Variants in FARS2 observed in about 807,000 individuals in gnomAD.
The protein encoded by FARS2 is phenylalanyl-tRNA synthetase 2, mitochondrial, also known as phenylalanine--tRNA ligase, mitochondrial.
FARS2 carries 40 observed loss-of-function variants against 46.4 expected under a neutral mutation model. The ratio of observed to expected loss-of-function variants is 0.86; its 90% confidence interval spans 0.67 to 1.12. The LOEUF (loss-of-function observed/expected upper bound fraction) is 1.12. FARS2 is among the 50% of genes most tolerant of loss of function. The pLI, the probability that FARS2 is intolerant of heterozygous loss-of-function variation, is 0.00. For synonymous variants in FARS2, 234 were observed against 214.9 expected (o/e 1.09, Z -0.78); for missense variants, 513 against 567.9 (o/e 0.90, Z 0.98).
At chr6:5,568,869 G>A (rs2150554567) in intron 5 of FARS2, among the ~76,000 whole-genome samples, 1 of 152,336 alleles carries the variant, frequency 6.6e-6, no homozygotes. Flanking sequence ...GTGATATCAT[G>A]TAGGGTAGTA....
At chr6:5,434,997 T>G (rs926442194) in intron 4 of FARS2, among the ~76,000 whole-genome samples, 1 of 152,202 alleles carries the variant, frequency 6.6e-6, no homozygotes, top group East Asian at 1.9e-4. Context: ...CTGTATATGC[T>G]TTCTTTCATT....
chr6:5,389,365 T>A (rs1760342748), intron 2 of FARS2, among the ~76,000 whole-genome samples: 1 of 152,200 alleles, frequency 6.6e-6, no homozygotes, highest in Admixed American at 6.5e-5. Context: ...CTCCTCTTTA[T>A]TAAGATGCTG....
intron 6 of FARS2, among the ~76,000 whole-genome samples, chr6:5,670,427 T>C (rs1778393986): frequency 6.6e-6 from 1 of 152,230 alleles, no homozygotes; most frequent in Admixed American, 6.5e-5. Context: ...TTTTAGCTTC[T>C]AGAGAGTAGA....
chr6:5,654,686 C>A (rs994685896), intron 6 of FARS2, among the ~76,000 whole-genome samples: 1 of 152,152 alleles, frequency 6.6e-6, no homozygotes, highest in East Asian at 1.9e-4. Context: ...CCTGAGACCC[C>A]TCGGTGGGAG....
At chr6:5,595,903 T>C (rs1774171998) in intron 5 of FARS2, among the ~76,000 whole-genome samples, 1 of 152,282 alleles carries the variant, frequency 6.6e-6, no homozygotes, top group East Asian at 1.9e-4. Context: ...AGCTGAGTTG[T>C]AGCGGCTGAG....
chr6:5,633,969 A>C (rs1384028312), intron 6 of FARS2, among the ~76,000 whole-genome samples: 1 of 152,058 alleles, frequency 6.6e-6, no homozygotes, highest in Non-Finnish European at 1.5e-5. Flanking sequence ...ATTATCCTTC[A>C]TCATATGTGG....
intron 6 of FARS2, among the ~76,000 whole-genome samples, chr6:5,675,831 G>C (rs138701942): frequency 4.6e-5 from 7 of 152,228 alleles, no homozygotes; most frequent in African/African-American, 1.7e-4. Flanking sequence ...TAACATATCC[G>C]GTAGGAAGTT....
At chr6:5,374,344 A>G (rs114898171) in intron 2 of FARS2, among the ~76,000 whole-genome samples, 1,828 of 152,262 alleles carry the variant, frequency 0.012, 13 homozygotes, top group Non-Finnish European at 0.017. Flanking sequence ...CTGTAAGAAG[A>G]TATCAGACAG....
At chr6:5,737,097 G>A (rs1422091967) in intron 6 of FARS2, among the ~76,000 whole-genome samples, 1 of 152,190 alleles carries the variant, frequency 6.6e-6, no homozygotes, top group Non-Finnish European at 1.5e-5. Flanking sequence ...CAACACAGAT[G>A]ACCCTGCGTG....
At chr6:5,766,025 T>C (rs1164209577) in intron 6 of FARS2, among the ~76,000 whole-genome samples, 2 of 152,206 alleles carry the variant, frequency 1.3e-5, no homozygotes, top group East Asian at 1.9e-4. Flanking sequence ...TGCAATGAAA[T>C]TGTAGCACCA....
chr6:5,338,649 G>A (rs778590059), intron 1 of FARS2, among the ~76,000 whole-genome samples: 4 of 140,972 alleles, frequency 2.8e-5, no homozygotes, highest in Non-Finnish European at 6.0e-5. Flanking sequence ...TGAGTTCTTG[G>A]ATTTGCAGGG....
chr6:5,671,411 A>C (rs1338187748), intron 6 of FARS2, among the ~76,000 whole-genome samples: 1 of 152,174 alleles, frequency 6.6e-6, no homozygotes, highest in African/African-American at 2.4e-5. Flanking sequence ...AGCAAGAGGA[A>C]GTCTCAGCGT....
At chr6:5,346,868 C>T (rs551844231) in intron 1 of FARS2, among the ~76,000 whole-genome samples, 1 of 151,046 alleles carries the variant, frequency 6.6e-6, no homozygotes, top group Admixed American at 6.6e-5. Flanking sequence ...AGTAAAATTT[C>T]CATACAGTGA....
intron 1 of FARS2, among the ~76,000 whole-genome samples, chr6:5,364,139 C>A (rs1288143155): frequency 6.6e-6 from 1 of 152,134 alleles, no homozygotes; most frequent in Non-Finnish European, 1.5e-5. Context: ...CTAGAAATCT[C>A]TGGGTCACTT....
At chr6:5,618,226 A>T (rs541289312) in intron 6 of FARS2, among the ~76,000 whole-genome samples, 5 of 151,990 alleles carry the variant, frequency 3.3e-5, no homozygotes, top group Admixed American at 3.3e-4. Context: ...GAAGACTCTG[A>T]CTCCCAAATT....
At chr6:5,710,818 A>G (rs1759098790) in intron 6 of FARS2, among the ~76,000 whole-genome samples, 1 of 152,198 alleles carries the variant, frequency 6.6e-6, no homozygotes, top group Non-Finnish European at 1.5e-5. Flanking sequence ...AAAACTCCAG[A>G]AAGGACAGGC....
chr6:5,404,701 G>A lies in FARS2; in HGVS notation c.772G>A (p.Glu258Lys). Residue 258 changes from glutamate to lysine, a missense_variant and splice_region_variant, in exon 3 of 7, where the codon GAG becomes AAG. Physicochemically the swap from Glu to Lys is moderately conservative, Grantham distance 56. Transcript: ENST00000274680. ...GCTCATGGCACATCTTTTTGGAGAT[G>A]GTAAGTGCTCAAACACAGGTTGACG... ...TRLMAHLFGD[E>K]LEIRWVDCYF... 6.3e-7 allele frequency: 1 copy of A among 1,584,630 alleles called. No individual in the cohort carries two copies. The highest frequency in any genetic ancestry group is 1.3e-5 in the African/African-American group (1 of 74,174).
intron 1 of FARS2, among the ~76,000 whole-genome samples, chr6:5,309,789 C>T (rs1366110352): frequency 1.3e-5 from 2 of 152,060 alleles, no homozygotes; most frequent in Admixed American, 6.5e-5. Context: ...TCAATGAAAT[C>T]CTAATTCAAA....
At chr6:5,270,218 C>T (rs767724865) in intron 1 of FARS2, among the ~76,000 whole-genome samples, 1 of 152,150 alleles carries the variant, frequency 6.6e-6, no homozygotes, top group Non-Finnish European at 1.5e-5. Context: ...TGTTTCTTGA[C>T]GTTCTGAGAT....
Sources: gnomAD v4.1 joint callset for allele counts (sites outside exome capture counted in the v4.1 genomes callset) on GRCh38, gnomAD v4.1.1 for gene constraint, MANE v1.5 for transcripts, NCBI Gene and HGNC (gene_info 2026-07-23, HGNC 2026-07-21) for gene names.